The following CAMK2D variants were observed in gnomAD, a reference collection of about 807,000 sequenced individuals.
CAMK2D encodes calcium/calmodulin-dependent protein kinase type II subunit delta.
In CAMK2D, 37 loss-of-function variants were observed where a neutral mutation model predicts 84.0. The ratio of observed to expected loss-of-function variants is 0.44; its 90% confidence interval spans 0.34 to 0.58. The LOEUF is 0.58. Among genes scored for constraint, CAMK2D ranks in the 20% least tolerant of loss-of-function variants. The pLI is 0.02. For synonymous variants in CAMK2D, 202 were observed against 212.5 expected (o/e 0.95, Z 0.43); for missense variants, 448 against 652.5 (o/e 0.69, Z 3.41).
At chr4:113,742,081 T>C (rs962352926) in intron 2 of CAMK2D, among the ~76,000 whole-genome samples, 1 of 152,192 alleles carries the variant, frequency 6.6e-6, no homozygotes, top group African/African-American at 2.4e-5. Context: ...GTCTCTCATC[T>C]TAACTCTCTT....
intron 4 of CAMK2D, among the ~76,000 whole-genome samples, chr4:113,607,779 T>C (rs2098984328): frequency 6.6e-6 from 1 of 152,210 alleles, no homozygotes; most frequent in Non-Finnish European, 1.5e-5. Flanking sequence ...ACACAAAGCC[T>C]GTTTGGTGGT....
At chr4:113,747,964 C>T (rs746976289) in intron 2 of CAMK2D, among the ~76,000 whole-genome samples, 1 of 152,054 alleles carries the variant, frequency 6.6e-6, no homozygotes, top group African/African-American at 2.4e-5. Flanking sequence ...TTTATTGGTA[C>T]GTTCCAATAT....
chr4:113,757,777 T>G (rs1283663498), intron 2 of CAMK2D, among the ~76,000 whole-genome samples: 2 of 152,150 alleles, frequency 1.3e-5, no homozygotes, highest in South Asian at 2.1e-4. Flanking sequence ...AAAGAAGGCT[T>G]CTTCTCCACA....
rs943531831 is a variant in CAMK2D, at chr4:113,761,329, G to A, written c.-261C>T. The A allele has an allele frequency of 1.2e-5, 17 of 1,401,030 alleles. No homozygotes were observed. Among genetic ancestry groups the A allele is most frequent in the Non-Finnish European group, 1.6e-5 (17 of 1,078,502 alleles). 86.8% of individuals were successfully genotyped at this position (1,401,030 alleles called of 1,614,324 possible). A position where few individuals can be genotyped will look rare whatever the true frequency, so the allele number is the denominator to read the frequency against. On this transcript the variant is annotated 5_prime_UTR_variant, in exon 1 of 21. Transcript: ENST00000511664. The stretch of plus-strand genomic sequence containing the variant: ...GGCCTCGCTTCCTTCTTCTCCACTG[G>A]ACGCTCCACCCGCCCCTTTTCCAGT...
intron 16 of CAMK2D, among the ~76,000 whole-genome samples, chr4:113,469,871 T>A (rs1418581692): frequency 2.0e-5 from 3 of 152,186 alleles, no homozygotes; most frequent in Non-Finnish European, 2.9e-5. Flanking sequence ...TTTTTGACTT[T>A]TTTTCCTCTT....
intron 16 of CAMK2D, among the ~76,000 whole-genome samples, chr4:113,474,077 C>T (rs145676507): frequency 1.2e-4 from 18 of 152,232 alleles, no homozygotes; most frequent in African/African-American, 3.1e-4. Context: ...ACTCTAGCCA[C>T]ATTAAAGTAA....
intron 2 of CAMK2D, among the ~76,000 whole-genome samples, chr4:113,712,720 T>C (rs2099497759): frequency 6.6e-6 from 1 of 151,974 alleles, no homozygotes; most frequent in South Asian, 2.1e-4. Context: ...AACAAAAACA[T>C]TTATCCACCG....
At chr4:113,548,343 C>T (rs1431417540) in intron 5 of CAMK2D, among the ~76,000 whole-genome samples, 3 of 152,122 alleles carry the variant, frequency 2.0e-5, no homozygotes, top group South Asian at 2.1e-4. Context: ...ACATCACAGG[C>T]CAAGTTTATC....
intron 4 of CAMK2D, among the ~76,000 whole-genome samples, chr4:113,581,935 T>C (rs2098812343): frequency 6.6e-6 from 1 of 152,216 alleles, no homozygotes; most frequent in African/African-American, 2.4e-5. Flanking sequence ...CAAGGTACTA[T>C]GCTCATCTCC....
At chr4:113,715,661 C>T (rs1189631280) in intron 2 of CAMK2D, among the ~76,000 whole-genome samples, 1 of 152,072 alleles carries the variant, frequency 6.6e-6, no homozygotes, top group Non-Finnish European at 1.5e-5. Context: ...CTGTATACCT[C>T]CTTCTTAGCA....
intron 2 of CAMK2D, among the ~76,000 whole-genome samples, chr4:113,720,364 T>TCA (rs1491434615): frequency 2.6e-4 from 28 of 106,034 alleles, no homozygotes; most frequent in South Asian, 1.3e-3. Flanking sequence ...ACAATCACAT[T>TCA]CTCACACACA....
At chr4:113,548,608 A>C in intron 5 of CAMK2D, 1 of 968,158 alleles carries the variant, frequency 1.0e-6, no homozygotes, top group Non-Finnish European at 1.6e-6. Flanking sequence ...TTCCCCAGAA[A>C]AAAAAATAAA....
At chr4:113,715,916 A>C (rs894575637) in intron 2 of CAMK2D, among the ~76,000 whole-genome samples, 2 of 152,144 alleles carry the variant, frequency 1.3e-5, no homozygotes, top group Non-Finnish European at 2.9e-5. Flanking sequence ...TACTCCCATT[A>C]GTTTCTCTGA....
At chr4:113,601,683 CTTTTTTTTTTTTT>C (rs755850795) in intron 4 of CAMK2D, among the ~76,000 whole-genome samples, 6 of 45,818 alleles carry the variant, frequency 1.3e-4, no homozygotes, top group South Asian at 1.1e-3. Flanking sequence ...ACTGTTTATT[CTTTTTTTTTTTTT>C]TTTTTTTTTT....
chr4:113,563,118 G>T (rs899999181), intron 4 of CAMK2D, among the ~76,000 whole-genome samples: 1 of 152,078 alleles, frequency 6.6e-6, no homozygotes, highest in Non-Finnish European at 1.5e-5. Flanking sequence ...GCTGGGCCTG[G>T]TGGTGGGTGC....
chr4:113,585,034 C>T lies in CAMK2D; in HGVS notation c.275+24118G>A, dbSNP rs115338595. Reference sequence around the variant, plus strand: ...AGCTTGCTGTCCTTTCTCATCATCTCACTTTGGGCCAAATGTAACTAGAGA... The same window carrying T: ...AGCTTGCTGTCCTTTCTCATCATCTTACTTTGGGCCAAATGTAACTAGAGA... On this transcript the variant is annotated intron_variant, in intron 4 of 20. Coordinates refer to ENST00000511664, the MANE Select transcript of CAMK2D (RefSeq NM_001321571.2). Among the ~76,000 whole-genome samples, 603 of 152,234 alleles carry T rather than the reference C, an allele frequency of 4.0e-3. 7 individuals are homozygous for T. Among genetic ancestry groups the T allele is most frequent in the African/African-American group, 0.014 (578 of 41,542 alleles).
intron 2 of CAMK2D, among the ~76,000 whole-genome samples, chr4:113,684,310 C>T (rs1356730492): frequency 6.6e-6 from 1 of 152,112 alleles, no homozygotes; most frequent in East Asian, 1.9e-4. Flanking sequence ...ACACGTCATA[C>T]AAAATATATT....
chr4:113,724,965 T>G (rs186644656), intron 2 of CAMK2D, among the ~76,000 whole-genome samples: 155 of 152,182 alleles, frequency 1.0e-3, no homozygotes, highest in Admixed American at 2.0e-3. Context: ...ATACTAAATC[T>G]GTTTTTTCAT....
intron 2 of CAMK2D, among the ~76,000 whole-genome samples, chr4:113,673,826 T>C (rs74405470): frequency 0.012 from 1,817 of 152,308 alleles, 36 homozygotes; most frequent in African/African-American, 0.037. Context: ...GATCAGGACT[T>C]TTAAAATCCT....
Sources: allele counts gnomAD v4.1 joint callset (sites outside exome capture counted in the v4.1 genomes callset), GRCh38; gene constraint gnomAD v4.1.1; transcripts MANE v1.5; gene names NCBI Gene and HGNC (gene_info 2026-07-23, HGNC 2026-07-21).